Variants in NALCN observed in about 807,000 individuals in gnomAD.
NALCN encodes sodium leak channel NALCN.
Under a neutral mutation model 225.3 loss-of-function variants are expected in NALCN, and 111 were observed. The ratio of observed to expected loss-of-function variants is 0.49; its 90% CI spans 0.42 to 0.58. NALCN has a LOEUF of 0.58. Ranked by LOEUF, NALCN falls within the 20% of genes least tolerant of loss-of-function variation. The probability of loss-of-function intolerance (pLI) is 0.00; values close to 1 mark genes in which losing one functional copy is unlikely to be tolerated. For synonymous variants in NALCN, 764 were observed against 769.0 expected (o/e 0.99, Z 0.11); for missense variants, 1,378 against 2,202.4 (o/e 0.63, Z 7.49).
chr13:101,082,766 CT>C lies in NALCN; in HGVS notation c.3765+42del, dbSNP rs1226318316. ...AGAGGGAGGCTGATTTACTTTAAAA[CT>C]GTGCACAGATTCCCCCAGAGCTAGC... On this transcript the variant is annotated intron_variant, in intron 33 of 43. Transcript: ENST00000251127. 59 of 1,599,706 alleles carry C rather than the reference CT, an allele frequency of 3.7e-5. No individual in the cohort carries two copies. The Admixed American group carries it at 9.5e-4, about 26-fold the overall frequency.
chr13:101,401,061 C>T (rs2047465019), intron 1 of NALCN, among the ~76,000 whole-genome samples: 1 of 152,142 alleles, frequency 6.6e-6, no homozygotes, highest in Admixed American at 6.5e-5. Context: ...CCAGCGTCGT[C>T]AGGTATTTCT....
At chr13:101,384,925 C>G (rs550218342) in intron 3 of NALCN, among the ~76,000 whole-genome samples, 206 of 152,202 alleles carry the variant, frequency 1.4e-3, no homozygotes, top group Non-Finnish European at 2.1e-3. Flanking sequence ...AAAGACATTT[C>G]TTGCTGGAAG....
chr13:101,200,520 C>T (rs2040073965), intron 13 of NALCN, among the ~76,000 whole-genome samples: 1 of 152,036 alleles, frequency 6.6e-6, no homozygotes, highest in Non-Finnish European at 1.5e-5. Context: ...AATAAGACCA[C>T]CAAAGAGGGA....
intron 11 of NALCN, among the ~76,000 whole-genome samples, chr13:101,248,485 T>C (rs1031434601): frequency 2.0e-5 from 3 of 152,164 alleles, no homozygotes; most frequent in Non-Finnish European, 4.4e-5. Context: ...GTGACCCTGG[T>C]AGTTTATGGC....
chr13:101,344,428 TACCATCAGCCC>T (rs1272739701), intron 7 of NALCN, among the ~76,000 whole-genome samples: 2 of 152,160 alleles, frequency 1.3e-5, no homozygotes, highest in African/African-American at 2.4e-5. Context: ...TTTAAAAAGA[TACCATCAGCCC>T]ACGTTCAGTA....
intron 6 of NALCN, among the ~76,000 whole-genome samples, chr13:101,374,823 G>T (rs891853442): frequency 2.0e-5 from 3 of 152,088 alleles, no homozygotes; most frequent in Admixed American, 2.0e-4. Flanking sequence ...CATTCTTTGG[G>T]GTGGTGCAAC....
At chr13:101,132,241 T>C (rs1346260376) in intron 17 of NALCN, among the ~76,000 whole-genome samples, 2 of 152,108 alleles carry the variant, frequency 1.3e-5, no homozygotes, top group Non-Finnish European at 2.9e-5. Context: ...CTTATTTTCA[T>C]TGGTGTTTCT....
chr13:101,124,715 GA>G, intron 17 of NALCN, 34 bp from the exon 18 acceptor site: 1 of 1,538,298 alleles, frequency 6.5e-7, no homozygotes, highest in South Asian at 1.1e-5. Flanking sequence ...TTTAGTTTTG[GA>G]ATGTTAAGAA....
chr13:101,273,557 T>C (rs2042869893), intron 10 of NALCN, among the ~76,000 whole-genome samples: 1 of 152,200 alleles, frequency 6.6e-6, no homozygotes. Flanking sequence ...TCTAATATCT[T>C]AAATTTTTAT....
chr13:101,092,159 C>T (rs1218270437), intron 28 of NALCN, among the ~76,000 whole-genome samples: 1 of 152,016 alleles, frequency 6.6e-6, no homozygotes, highest in East Asian at 1.9e-4. Context: ...GTAATCTTGC[C>T]TGTCCAATTC....
chr13:101,264,071 A>G (rs1199615133), intron 10 of NALCN, among the ~76,000 whole-genome samples: 2 of 152,188 alleles, frequency 1.3e-5, no homozygotes, highest in Admixed American at 6.5e-5. Context: ...GTACCACAAA[A>G]TATTATATGA....
At chr13:101,296,378 A>C (rs747268505) in intron 7 of NALCN, among the ~76,000 whole-genome samples, 1 of 152,322 alleles carries the variant, frequency 6.6e-6, no homozygotes, top group Middle Eastern at 3.4e-3. Context: ...GATAATTTGG[A>C]AACTATTTTG....
chr13:101,255,588 C>CA (rs2140207043), intron 11 of NALCN, among the ~76,000 whole-genome samples: 1 of 152,314 alleles, frequency 6.6e-6, no homozygotes, highest in Non-Finnish European at 1.5e-5. Context: ...TGTTTCCTGG[C>CA]ATTTTTGCCA....
intron 37 of NALCN, among the ~76,000 whole-genome samples, chr13:101,070,205 T>C (rs1020587231): frequency 6.6e-6 from 1 of 151,930 alleles, no homozygotes; most frequent in Non-Finnish European, 1.5e-5. Context: ...TAGCTGAGTC[T>C]ACAGGCGCCC....
intron 14 of NALCN, among the ~76,000 whole-genome samples, chr13:101,188,941 G>A (rs1471243622): frequency 1.3e-5 from 2 of 152,110 alleles, no homozygotes; most frequent in Non-Finnish European, 2.9e-5. Flanking sequence ...ACCTGCCTCA[G>A]CCTCCCAAAG....
chr13:101,115,824 TC>T (rs2035682058), intron 18 of NALCN, among the ~76,000 whole-genome samples: 1 of 152,146 alleles, frequency 6.6e-6, no homozygotes, highest in Admixed American at 6.5e-5. Context: ...TTTAACATCT[TC>T]CCTAGATCTT....
chr13:101,302,703 A>T (rs1254406938), intron 7 of NALCN, among the ~76,000 whole-genome samples: 1 of 152,172 alleles, frequency 6.6e-6, no homozygotes, highest in Non-Finnish European at 1.5e-5. Flanking sequence ...ACTGAATAGA[A>T]AATGTTAACT....
intron 14 of NALCN, among the ~76,000 whole-genome samples, chr13:101,183,759 C>T (rs938498614): frequency 2.0e-5 from 3 of 151,688 alleles, no homozygotes; most frequent in African/African-American, 4.8e-5. Context: ...ACGCCTGGCC[C>T]GATATTTCAA....
chr13:101,224,400 A>G (rs1461446729), intron 13 of NALCN, among the ~76,000 whole-genome samples: 1 of 152,138 alleles, frequency 6.6e-6, no homozygotes, highest in African/African-American at 2.4e-5. Context: ...TACTACCCAA[A>G]TAACTTTTTT....
Sources: gnomAD v4.1 joint callset for allele counts (sites outside exome capture counted in the v4.1 genomes callset) on GRCh38, gnomAD v4.1.1 for gene constraint, MANE v1.5 for transcripts, NCBI Gene and HGNC (gene_info 2026-07-23, HGNC 2026-07-21) for gene names.